The following RALGAPA2 variants were observed in gnomAD, a reference collection of about 807,000 sequenced individuals.
The protein encoded by RALGAPA2 is ral GTPase-activating protein subunit alpha-2.
RALGAPA2 carries 139 observed loss-of-function variants against 230.4 expected under a neutral mutation model. The ratio of observed to expected loss-of-function variants is 0.60; its 90% CI spans 0.53 to 0.69. RALGAPA2 has a LOEUF of 0.69. Ranked by LOEUF, RALGAPA2 falls within the 30% of genes least tolerant of loss-of-function variation. RALGAPA2 has a pLI of 0.00. For synonymous variants in RALGAPA2, 847 were observed against 837.8 expected (o/e 1.01, Z -0.19); for missense variants, 2,163 against 2,276.0 (o/e 0.95, Z 1.01).
At chr20:20,544,150 G>A (rs1020679304) in intron 24 of RALGAPA2, among the ~76,000 whole-genome samples, 22 of 151,860 alleles carry the variant, frequency 1.4e-4, no homozygotes, top group African/African-American at 5.3e-4. Flanking sequence ...GGCCGGGCAC[G>A]GTGGCTCACA....
intron 38 of RALGAPA2, among the ~76,000 whole-genome samples, chr20:20,400,474 T>A (rs2059808976): frequency 2.0e-5 from 3 of 152,230 alleles, no homozygotes; most frequent in African/African-American, 4.8e-5. Flanking sequence ...GTAAAAAAAA[T>A]TTTCCTGGCA....
At chr20:20,642,101 C>T (rs148058266) in intron 5 of RALGAPA2, among the ~76,000 whole-genome samples, 2 of 86,726 alleles carry the variant, frequency 2.3e-5, no homozygotes, top group African/African-American at 4.7e-5. Context: ...GCCATCAGAC[C>T]GAGAGGGGAG....
rs190343403 is a variant in RALGAPA2 at position 20,402,064 on chromosome 20, G to A, written c.5618-5330C>T. On this transcript the variant is annotated intron_variant, in intron 38 of 39. Coordinates refer to ENST00000202677, the MANE Select transcript of RALGAPA2 (RefSeq NM_020343.4). Reference sequence around the variant, plus strand: ...TGGGTGGGTCCCCCACAGCAGGCACGGAGAGGCAGCGGGGCTGTAGGGTGG... The same window carrying A: ...TGGGTGGGTCCCCCACAGCAGGCACAGAGAGGCAGCGGGGCTGTAGGGTGG... Among the ~76,000 whole-genome samples, 21 of 152,320 alleles carry A rather than the reference G, an allele frequency of 1.4e-4. No individual in the cohort carries two copies. The East Asian group carries it at 1.7e-3, about 13-fold the overall frequency.
Position 20,571,860 on chromosome 20 carries a change from T to C in RALGAPA2, c.2988A>G (p.Ser996=). ...CATATCCACTTGCCTTAAACAGCCA[T>C]GATGCAAACATTCTGAGTGGTGGGA... ...VLIPPLRMFA[S]WLFKAATLPN... is the part of the protein sequence containing the mutation. The change falls in exon 22 of 40, where the codon TCA becomes TCG. Residue 996 remains serine, a synonymous_variant. Coordinates refer to ENST00000202677, the MANE Select transcript of RALGAPA2 (RefSeq NM_020343.4). 6.2e-7 allele frequency: 1 copy of C among 1,609,386 alleles called. No individual in the cohort carries two copies. Among genetic ancestry groups the C allele is most frequent in the East Asian group, 2.2e-5 (1 of 44,778 alleles).
At chr20:20,636,915 T>C (rs2066879749) in intron 8 of RALGAPA2, among the ~76,000 whole-genome samples, 1 of 152,148 alleles carries the variant, frequency 6.6e-6, no homozygotes, top group Non-Finnish European at 1.5e-5. Context: ...CATAAGCACC[T>C]GTCAGTAGTA....
chr20:20,446,119 T>C (rs2060855763), intron 37 of RALGAPA2, among the ~76,000 whole-genome samples: 1 of 152,172 alleles, frequency 6.6e-6, no homozygotes, highest in South Asian at 2.1e-4. Context: ...TGAGCATATG[T>C]TCTTCATAGA....
chr20:20,571,690 T>C, intron 22 of RALGAPA2, 77 bp from the exon 23 acceptor site: 1 of 1,526,850 alleles, frequency 6.5e-7, no homozygotes, highest in South Asian at 1.2e-5. Context: ...ACTTCTCAGT[T>C]TTCCTTAAGA....
chr20:20,623,757 T>C lies in RALGAPA2; in HGVS notation c.1234-3127A>G, dbSNP rs577511243. On this transcript the variant is annotated intron_variant, in intron 10 of 39. Coordinates refer to ENST00000202677, the MANE Select transcript of RALGAPA2 (RefSeq NM_020343.4). ...TAAACTTATCCATTTAGGTTTTCTT[T>C]TAATATTCCAGTTATTACATGTCTT... 3.0e-4 allele frequency among the ~76,000 whole-genome samples: 45 copies of C among 152,370 alleles called. 1 individual carries two copies. Among genetic ancestry groups the C allele is most frequent in the Non-Finnish European group, 5.4e-4 (37 of 68,038 alleles).
At chr20:20,526,843 T>G (rs1057109431) in intron 27 of RALGAPA2, among the ~76,000 whole-genome samples, 1 of 152,168 alleles carries the variant, frequency 6.6e-6, no homozygotes, top group Non-Finnish European at 1.5e-5. Context: ...TCCTATGAAA[T>G]AAAACTTGAC....
chr20:20,569,511 T>C (rs893653157), intron 23 of RALGAPA2, among the ~76,000 whole-genome samples: 1 of 152,164 alleles, frequency 6.6e-6, no homozygotes, highest in African/African-American at 2.4e-5. Context: ...TATTCCACTA[T>C]GAACTATAAA....
intron 36 of RALGAPA2, among the ~76,000 whole-genome samples, chr20:20,479,054 GA>G (rs776174844): frequency 1.7e-4 from 25 of 151,452 alleles, no homozygotes; most frequent in East Asian, 5.8e-4. Flanking sequence ...GGCCAAATGA[GA>G]AAAAAAATAC....
chr20:20,425,507 C>A (rs745407720), intron 37 of RALGAPA2, among the ~76,000 whole-genome samples: 2 of 152,108 alleles, frequency 1.3e-5, no homozygotes, highest in Non-Finnish European at 2.9e-5. Context: ...AGCTTAAAGG[C>A]ATCTCAGTTT....
At chr20:20,406,756 A>G (rs2122723084) in intron 38 of RALGAPA2, among the ~76,000 whole-genome samples, 1 of 152,294 alleles carries the variant, frequency 6.6e-6, no homozygotes, top group East Asian at 1.9e-4. Context: ...TATAAGAAAT[A>G]CAGAAATTAG....
At chr20:20,507,481 T>A (rs988154642) in intron 33 of RALGAPA2, among the ~76,000 whole-genome samples, 1 of 152,198 alleles carries the variant, frequency 6.6e-6, no homozygotes, top group Admixed American at 6.5e-5. Flanking sequence ...TAGCTGGGAC[T>A]ACAGGTGCAT....
At chr20:20,498,623 A>T (rs971627682) in intron 35 of RALGAPA2, among the ~76,000 whole-genome samples, 18 of 152,190 alleles carry the variant, frequency 1.2e-4, no homozygotes, top group Admixed American at 5.2e-4. Context: ...GTCAGGCCTG[A>T]CATCCCCATT....
At chr20:20,633,310 T>C (rs2066749746) in intron 9 of RALGAPA2, among the ~76,000 whole-genome samples, 1 of 151,796 alleles carries the variant, frequency 6.6e-6, no homozygotes. Flanking sequence ...AATTTTTGTA[T>C]TTTTTGTAGA....
intron 24 of RALGAPA2, among the ~76,000 whole-genome samples, chr20:20,540,320 A>G (rs561123819): frequency 3.9e-5 from 6 of 152,350 alleles, no homozygotes; most frequent in African/African-American, 1.4e-4. Context: ...ACTCATGTGC[A>G]ATATTTGAAA....
intron 1 of RALGAPA2, among the ~76,000 whole-genome samples, chr20:20,696,174 G>A (rs1014493515): frequency 1.2e-4 from 18 of 151,964 alleles, no homozygotes; most frequent in African/African-American, 3.9e-4. Context: ...ATCACTACTC[G>A]CTGCTGCAGT....
chr20:20,562,713 CAT>C (rs1462548606), intron 23 of RALGAPA2, among the ~76,000 whole-genome samples: 2 of 152,184 alleles, frequency 1.3e-5, no homozygotes, highest in Non-Finnish European at 1.5e-5. Context: ...GTTCACTGCA[CAT>C]GTGTTAAACC....
Sources: gnomAD v4.1 joint callset for allele counts (sites outside exome capture counted in the v4.1 genomes callset) on GRCh38, gnomAD v4.1.1 for gene constraint, MANE v1.5 for transcripts, NCBI Gene and HGNC (gene_info 2026-07-23, HGNC 2026-07-21) for gene names.